Variants in SF3B3 observed in about 807,000 individuals in gnomAD.
SF3B3 encodes the protein splicing factor 3b subunit 3, also known as SAP 130.
Under a neutral mutation model 139.2 loss-of-function variants are expected in SF3B3, and 33 were observed. The ratio of observed to expected loss-of-function variants is 0.24; its 90% CI spans 0.18 to 0.32. SF3B3 has a LOEUF of 0.32. SF3B3 is among the 10% of genes least tolerant of loss of function. The probability of loss-of-function intolerance (pLI) is 1.00; values close to 1 mark genes in which losing one functional copy is unlikely to be tolerated. For missense variants in SF3B3, 818 were observed against 1,509.4 expected (o/e 0.54, Z 7.59); for synonymous variants, 596 against 563.6 (o/e 1.06, Z -0.81).
At chr16:70,571,634 C>G (rs2151796503) in intron 25 of SF3B3, 39 bp from the exon 26 acceptor site, 1 of 1,587,312 alleles carries the variant, frequency 6.3e-7, no homozygotes, top group South Asian at 1.1e-5. Flanking sequence ...CTTTGGGCAT[C>G]TCACCATTTT....
chr16:70,526,558 A>C (rs1345407757), intron 1 of SF3B3, 29 bp from the exon 2 acceptor site: 13 of 767,226 alleles, frequency 1.7e-5, no homozygotes. Context: ...ATAGTCTCCC[A>C]GCTATTTTTC....
rs1234264614 is a variant in SF3B3 at position 70,569,856 on chromosome 16, G to C, written c.3265-150G>C. ...TGCCCAGGCTGGTCTTGAAATCCTG[G>C]GCTCAAGCAATCCTCCCACGTTGGC... is the stretch of plus-strand genomic sequence containing the variant. On this transcript the variant is annotated intron_variant, in intron 23 of 25. Transcript: ENST00000302516. The C allele has an allele frequency of 3.7e-6, 3 of 814,282 alleles. No homozygotes were observed. In the African/African-American group the frequency reaches 5.2e-5, roughly 14 times the overall value. 50.4% of individuals were successfully genotyped at this position (814,282 alleles called of 1,614,324 possible).
intron 20 of SF3B3, 125 bp downstream of exon 20, chr16:70,565,649 A>T (rs2050468695): frequency 2.3e-6 from 2 of 866,100 alleles, no homozygotes; most frequent in South Asian, 3.5e-5. Context: ...TTACCAGCAC[A>T]TGGAAAATGC....
chr16:70,532,455 T>C, intron 4 of SF3B3, 24 bp from the exon 5 acceptor site: 1 of 1,612,430 alleles, frequency 6.2e-7, no homozygotes, highest in Non-Finnish European at 8.5e-7. Context: ...TGATGATTAG[T>C]TTTTATGCCA....
At chr16:70,566,742 C>G (rs2050480772) in intron 20 of SF3B3, among the ~76,000 whole-genome samples, 1 of 152,072 alleles carries the variant, frequency 6.6e-6, no homozygotes, top group Admixed American at 6.6e-5. Context: ...AAATTTGTCT[C>G]TCCTTTACAA....
At chr16:70,532,072 C>T (rs1001466984) in intron 4 of SF3B3, among the ~76,000 whole-genome samples, 12 of 152,142 alleles carry the variant, frequency 7.9e-5, no homozygotes, top group African/African-American at 2.9e-4. Flanking sequence ...GCGGGCAGAT[C>T]ACCTGAGGTC....
At chr16:70,558,690 G>A (rs879478108) in intron 15 of SF3B3, among the ~76,000 whole-genome samples, 1 of 152,134 alleles carries the variant, frequency 6.6e-6, no homozygotes, top group Non-Finnish European at 1.5e-5. Context: ...TCTGCCTCCT[G>A]GGTTCAAGCG....
At chr16:70,549,969 C>T (rs1162367685) in intron 11 of SF3B3, among the ~76,000 whole-genome samples, 1 of 152,120 alleles carries the variant, frequency 6.6e-6, no homozygotes, top group African/African-American at 2.4e-5. Context: ...GAAAAGTTAA[C>T]TCTCACTTTT....
At position 70,574,069 on chromosome 16, in the gene SF3B3, C is replaced by G. The variant is rs1196059525; in HGVS notation, c.*2256C>G. ...AGAGTGCTGGTCCCCAGAATGTGTG[C>G]TGTTCCCACGCTGCTGCCTTTCTTG... On this transcript the variant is annotated 3_prime_UTR_variant, in exon 26 of 26. Coordinates refer to ENST00000302516, the MANE Select transcript of SF3B3 (RefSeq NM_012426.5). 4 of 152,218 alleles carry G rather than the reference C, an allele frequency of 2.6e-5. No individual in the cohort carries two copies. The highest frequency in any genetic ancestry group is 9.6e-5 in the African/African-American group (4 of 41,460). The allele number at this position is 152,218 out of a possible 1,614,324, so 9.4% of individuals were successfully genotyped here.
chr16:70,550,756 C>A, intron 11 of SF3B3: 1 of 704,962 alleles, frequency 1.4e-6, no homozygotes, highest in Non-Finnish European at 1.7e-6. Flanking sequence ...AATATTGAGG[C>A]TGCCCTGATG....
intron 6 of SF3B3, 21 bp downstream of exon 6, chr16:70,535,441 AGAG>A (rs1266914324): frequency 1.5e-6 from 2 of 1,361,854 alleles, no homozygotes; most frequent in Non-Finnish European, 2.1e-6. Context: ...TGATATAAGA[AGAG>A]AGAGATTTGT....
At chr16:70,547,843 G>C (rs930804062) in intron 10 of SF3B3, among the ~76,000 whole-genome samples, 1 of 152,198 alleles carries the variant, frequency 6.6e-6, no homozygotes, top group Non-Finnish European at 1.5e-5. Flanking sequence ...ACCCGCCTCG[G>C]CATCCCAAAG....
At position 70,571,147 on chromosome 16, in the gene SF3B3, C is replaced by T. The variant is rs1184048464; in HGVS notation, c.3461C>T (p.Pro1154Leu). Residue 1154 changes from proline (P) to leucine (L), a missense_variant, in exon 25 of 26, where the codon CCT (proline) becomes CTT (leucine). Pro to Leu is a moderately conservative substitution (Grantham distance 98). This residue lies in a region of SF3B3 where 44 missense variants were observed against 40.4 expected (regional missense o/e 1.09). Coordinates refer to ENST00000302516, the MANE Select transcript of SF3B3 (RefSeq NM_012426.5). Reference sequence around the variant, plus strand: ...ATGCACCTGCGGTCTGAACATCCCCCTCTCTGTGGGCGGGACCACCTCAGC... The same window carrying T: ...ATGCACCTGCGGTCTGAACATCCCCTTCTCTGTGGGCGGGACCACCTCAGC... Reference protein sequence around the residue: ...VEMHLRSEHPPLCGRDHLSFR... With the variant: ...VEMHLRSEHPLLCGRDHLSFR... 1.2e-6 allele frequency: 2 copies of T among 1,613,978 alleles called. No individual in the cohort carries two copies. The highest frequency in any genetic ancestry group is 1.7e-6 in the Non-Finnish European group (2 of 1,179,998).
intron 20 of SF3B3, among the ~76,000 whole-genome samples, chr16:70,566,518 C>T (rs1019745475): frequency 1.8e-4 from 27 of 152,004 alleles, no homozygotes; most frequent in African/African-American, 6.0e-4. Flanking sequence ...GCCGAGATTG[C>T]GCCACTGCAC....
chr16:70,557,536 C>T lies in SF3B3; in HGVS notation c.2010+507C>T, dbSNP rs146557009. Among the ~76,000 whole-genome samples, 1,445 of 152,260 alleles carry T rather than the reference C, an allele frequency of 9.5e-3. 11 individuals are homozygous for T. The highest frequency in any genetic ancestry group is 0.017 in the Non-Finnish European group (1,124 of 68,014). ...ACTCAGACATCTAAGTAATCTAGCC[C>T]AGGTACTTTTTGCTTTTTAATTTTA... On this transcript the variant is annotated intron_variant, in intron 15 of 25. Coordinates refer to ENST00000302516, the MANE Select transcript of SF3B3 (RefSeq NM_012426.5).
chr16:70,526,944 G>A (rs528048080), intron 2 of SF3B3: 224 of 586,614 alleles, frequency 3.8e-4, no homozygotes, highest in Admixed American at 6.3e-4. Flanking sequence ...ATTCTTGTCA[G>A]GGCACACTTT....
intron 11 of SF3B3, among the ~76,000 whole-genome samples, chr16:70,549,478 C>T (rs2050300696): frequency 6.6e-6 from 1 of 152,102 alleles, no homozygotes; most frequent in Admixed American, 6.6e-5. Context: ...AGAAGTTGGT[C>T]CGTGTTGGTG....
chr16:70,561,002 A>T (rs2050422791), intron 16 of SF3B3, among the ~76,000 whole-genome samples: 1 of 151,826 alleles, frequency 6.6e-6, no homozygotes, highest in Non-Finnish European at 1.5e-5. Flanking sequence ...GTGCTAATTG[A>T]TTCCATTTAA....
intron 5 of SF3B3, 52 bp from the exon 6 acceptor site, chr16:70,535,256 A>G: frequency 2.2e-6 from 2 of 893,104 alleles, no homozygotes; most frequent in Non-Finnish European, 3.5e-6. Context: ...TGAAAGCTGA[A>G]GAAATTCATG....
Sources: gnomAD v4.1 joint callset for allele counts (sites outside exome capture counted in the v4.1 genomes callset) on GRCh38, gnomAD v4.1.1 for gene constraint, gnomAD v4.1.1 regional missense constraint, MANE v1.5 for transcripts, NCBI Gene and HGNC (gene_info 2026-07-23, HGNC 2026-07-21) for gene names.